Variants in RORB observed in about 807,000 individuals in gnomAD.
The protein encoded by RORB is nuclear receptor ROR-beta.
A neutral mutation model predicts 59.1 loss-of-function variants in RORB; 6 were observed. That is an observed-to-expected ratio of 0.10 (90% CI 0.06 to 0.20). The LOEUF (loss-of-function observed/expected upper bound fraction) is 0.20, where lower values mean the gene tolerates loss of function less well. Ranked by LOEUF, RORB falls within the 10% of genes least tolerant of loss-of-function variation. The pLI is 1.00. For missense variants in RORB, 320 were observed against 560.5 expected (o/e 0.57, Z 4.33); for synonymous variants, 215 against 204.5 (o/e 1.05, Z -0.44).
chr9:74,539,890 T>C (rs62553976), intron 1 of RORB, among the ~76,000 whole-genome samples: 4 of 146,036 alleles, frequency 2.7e-5, no homozygotes, highest in Admixed American at 6.9e-5. Context: ...AAAAAAAAAT[T>C]CCAAAGAAAC....
chr9:74,585,204 C>G (rs969896509), intron 1 of RORB, among the ~76,000 whole-genome samples: 11 of 152,182 alleles, frequency 7.2e-5, no homozygotes, highest in Non-Finnish European at 1.3e-4. Context: ...TGTTAATCCT[C>G]CCCATCAACA....
At chr9:74,544,902 A>C (rs1454823310) in intron 1 of RORB, among the ~76,000 whole-genome samples, 2 of 152,180 alleles carry the variant, frequency 1.3e-5, no homozygotes, top group Non-Finnish European at 2.9e-5. Flanking sequence ...TGCATTCAGC[A>C]TGGCCACTGA....
At chr9:74,579,353 A>C (rs1170776724) in intron 1 of RORB, among the ~76,000 whole-genome samples, 1 of 152,056 alleles carries the variant, frequency 6.6e-6, no homozygotes, top group Non-Finnish European at 1.5e-5. Flanking sequence ...GTACTTTCAC[A>C]GTTTTATATT....
At chr9:74,587,670 G>A (rs538448261) in intron 1 of RORB, among the ~76,000 whole-genome samples, 24 of 152,118 alleles carry the variant, frequency 1.6e-4, no homozygotes, top group Non-Finnish European at 2.8e-4. Flanking sequence ...AGGGAAGGGG[G>A]CCTCAGCTGG....
rs1336526526 is a variant in RORB, at chr9:74,687,633, G to C, written c.*2015G>C. 4 of 152,176 alleles carry C rather than the reference G, an allele frequency of 2.6e-5. No homozygotes were observed. Among genetic ancestry groups the C allele is most frequent in the Non-Finnish European group, 5.9e-5 (4 of 68,024 alleles). 9.4% of individuals were successfully genotyped at this position (152,176 alleles called of 1,614,324 possible). ...ACCAAATTACCTTTGGTTCTAAGAA[G>C]ACAGCTGTAGACTGCTTATTATGCT... On this transcript the variant is annotated 3_prime_UTR_variant, in exon 10 of 10. Coordinates refer to ENST00000376896, the MANE Select transcript of RORB (RefSeq NM_006914.4).
intron 1 of RORB, among the ~76,000 whole-genome samples, chr9:74,548,448 G>A (rs1826537705): frequency 6.6e-6 from 1 of 152,194 alleles, no homozygotes; most frequent in Non-Finnish European, 1.5e-5. Flanking sequence ...CACTGGAAAT[G>A]AGCTTTCTGG....
Position 74,690,822 on chromosome 9 carries a change from A to T in RORB, c.*5204A>T, listed in dbSNP as rs1824729250. On this transcript the variant is annotated 3_prime_UTR_variant, in exon 10 of 10. Coordinates refer to ENST00000376896, the MANE Select transcript of RORB (RefSeq NM_006914.4). ...ATTCAATTTAGTGATGGCTTATAAAAGACACTCCAACTTGTCTTGCCCAAA... is the reference window on the plus strand; with the variant it reads ...ATTCAATTTAGTGATGGCTTATAAATGACACTCCAACTTGTCTTGCCCAAA... 1 of 152,052 alleles carries T rather than the reference A, an allele frequency of 6.6e-6. No individual in the cohort carries two copies. 9.4% of individuals were successfully genotyped at this position (152,052 alleles called of 1,614,324 possible).
intron 1 of RORB, among the ~76,000 whole-genome samples, chr9:74,594,654 G>A (rs1191461319): frequency 1.3e-5 from 2 of 152,064 alleles, no homozygotes; most frequent in Non-Finnish European, 1.5e-5. Flanking sequence ...TTGTTTTCTG[G>A]GAAATAGTAT....
At chr9:74,513,430 T>G (rs2118046235) in intron 1 of RORB, among the ~76,000 whole-genome samples, 1 of 152,188 alleles carries the variant, frequency 6.6e-6, no homozygotes, top group Admixed American at 6.6e-5. Flanking sequence ...CCGCAATAAC[T>G]TTTGCACCAA....
intron 1 of RORB, among the ~76,000 whole-genome samples, chr9:74,507,432 T>C (rs1041048730): frequency 1.3e-5 from 2 of 152,064 alleles, no homozygotes; most frequent in African/African-American, 2.4e-5. Context: ...GTAATGAAAA[T>C]TAGTGAAACC....
chr9:74,622,366 A>G (rs1163472929), intron 1 of RORB, among the ~76,000 whole-genome samples: 1 of 152,148 alleles, frequency 6.6e-6, no homozygotes, highest in Non-Finnish European at 1.5e-5. Context: ...TCATATAGAG[A>G]GCGAGAAATA....
At chr9:74,653,062 G>A (rs1377823381) in intron 4 of RORB, among the ~76,000 whole-genome samples, 1 of 152,194 alleles carries the variant, frequency 6.6e-6, no homozygotes, top group Non-Finnish European at 1.5e-5. Flanking sequence ...TGCCATCAGT[G>A]ACAAACCACT....
At chr9:74,623,975 G>T (rs574099637) in intron 1 of RORB, among the ~76,000 whole-genome samples, 10 of 152,096 alleles carry the variant, frequency 6.6e-5, no homozygotes, top group Non-Finnish European at 1.5e-4. Flanking sequence ...TATACTAATT[G>T]CTGTCGTTAT....
intron 4 of RORB, among the ~76,000 whole-genome samples, chr9:74,660,005 G>T (rs1824154965): frequency 6.6e-6 from 1 of 151,876 alleles, no homozygotes; most frequent in Non-Finnish European, 1.5e-5. Flanking sequence ...AGCCAATATT[G>T]TATTGTGTAC....
At chr9:74,607,901 C>T (rs564648598) in intron 1 of RORB, among the ~76,000 whole-genome samples, 1 of 152,246 alleles carries the variant, frequency 6.6e-6, no homozygotes, top group South Asian at 2.1e-4. Flanking sequence ...AGCAAGGTTT[C>T]TAGGCATACT....
chr9:74,653,076 C>G (rs1233820977), intron 4 of RORB, among the ~76,000 whole-genome samples: 1 of 152,208 alleles, frequency 6.6e-6, no homozygotes, highest in Non-Finnish European at 1.5e-5. Context: ...AACCACTAGA[C>G]TTGTTCTGTC....
At chr9:74,558,130 A>T (rs552780752) in intron 1 of RORB, among the ~76,000 whole-genome samples, 64 of 152,212 alleles carry the variant, frequency 4.2e-4, no homozygotes, top group Non-Finnish European at 7.1e-4. Context: ...CTATTTTTAA[A>T]ACTACTATAT....
chr9:74,685,573 A>C lies in RORB; in HGVS notation c.1335A>C (p.Leu445Phe). The C allele has an allele frequency of 6.2e-7, 1 of 1,611,706 alleles. No homozygotes were observed. The change falls in exon 10 of 10, where the codon TTA (leucine) becomes TTC (phenylalanine). Residue 445 changes from leucine to phenylalanine, a missense_variant. Physicochemically the swap from Leu to Phe is conservative, Grantham distance 22. Around this residue, in one of 4 missense-constraint regions of RORB, gnomAD observed 109 missense variants for 171.0 expected, o/e 0.64. Transcript: ENST00000376896. ...PEIVNTLFPP[L>F]YKELFNPDCA... ...TAGTGAATACACTGTTTCCTCCGTT[A>C]TACAAGGAGCTCTTTAATCCTGACT...
intron 1 of RORB, among the ~76,000 whole-genome samples, chr9:74,551,311 T>C (rs76045860): frequency 2.6e-5 from 4 of 152,182 alleles, no homozygotes; most frequent in Non-Finnish European, 5.9e-5. Flanking sequence ...TTTTGGCATA[T>C]GTAAATCGCC....
Sources: gnomAD v4.1 joint callset for allele counts (sites outside exome capture counted in the v4.1 genomes callset) on GRCh38, gnomAD v4.1.1 for gene constraint, gnomAD v4.1.1 regional missense constraint, MANE v1.5 for transcripts, NCBI Gene and HGNC (gene_info 2026-07-23, HGNC 2026-07-21) for gene names.